The following PIP4K2A variants were observed in gnomAD, a reference collection of about 807,000 sequenced individuals.
PIP4K2A encodes phosphatidylinositol-5-phosphate 4-kinase type 2 alpha.
In PIP4K2A, 14 loss-of-function variants were observed where a neutral mutation model predicts 42.9. The observed-to-expected ratio is 0.33, with a 90% confidence interval of 0.22 to 0.51. The LOEUF (loss-of-function observed/expected upper bound fraction) is 0.51. Among genes scored for constraint, PIP4K2A ranks in the 20% least tolerant of loss-of-function variants. The probability of loss-of-function intolerance (pLI) is 0.97; values close to 1 mark genes in which losing one functional copy is unlikely to be tolerated. For synonymous variants in PIP4K2A, 192 were observed against 192.2 expected, an observed-to-expected ratio of 1.00 and a Z score of 0.01; for missense variants, 434 against 519.8, an observed-to-expected ratio of 0.83 and a Z score of 1.61.
At chr10:22,612,869 A>G (rs1838087285) in intron 1 of PIP4K2A, among the ~76,000 whole-genome samples, 1 of 152,172 alleles carries the variant, frequency 6.6e-6, no homozygotes, top group African/African-American at 2.4e-5. Flanking sequence ...TCCCAGGGGC[A>G]GCAGGGGCAA....
intron 1 of PIP4K2A, among the ~76,000 whole-genome samples, chr10:22,672,602 G>C (rs933440736): frequency 9.2e-5 from 14 of 152,156 alleles, no homozygotes; most frequent in Admixed American, 1.3e-4. Flanking sequence ...CTGGTGAAGG[G>C]TCAGAGAAAA....
intron 1 of PIP4K2A, among the ~76,000 whole-genome samples, chr10:22,637,870 C>T (rs1201472838): frequency 6.6e-6 from 1 of 152,172 alleles, no homozygotes; most frequent in South Asian, 2.1e-4. Context: ...AGGATCTCAG[C>T]AAGTATACTC....
chr10:22,615,724 A>T (rs1043369942), intron 1 of PIP4K2A, among the ~76,000 whole-genome samples: 20 of 152,236 alleles, frequency 1.3e-4, no homozygotes, highest in Non-Finnish European at 2.9e-4. Context: ...AATATTCAAT[A>T]AAATTCTCAC....
At position 22,675,750 on chromosome 10, in the gene PIP4K2A, C is replaced by T. The variant is rs566603895; in HGVS notation, c.144+38433G>A. On this transcript the variant is annotated intron_variant, in intron 1 of 9. Coordinates refer to ENST00000376573, the MANE Select transcript of PIP4K2A (RefSeq NM_005028.5). ...TCTCCTGACACAGTCCATGAATGAG[C>T]CCTCACATCCACTCTACATAATGCT... 6.6e-5 allele frequency among the ~76,000 whole-genome samples: 10 copies of T among 152,270 alleles called. No individual in the cohort carries two copies. The South Asian group carries it at 1.7e-3, about 25-fold the overall frequency.
chr10:22,643,627 T>G (rs1838824328), intron 1 of PIP4K2A, among the ~76,000 whole-genome samples: 1 of 152,094 alleles, frequency 6.6e-6, no homozygotes, highest in Non-Finnish European at 1.5e-5. Flanking sequence ...GAGTCATAAT[T>G]TCTCATCAGC....
At chr10:22,566,657 A>G (rs914628542) in intron 6 of PIP4K2A, among the ~76,000 whole-genome samples, 1 of 151,512 alleles carries the variant, frequency 6.6e-6, no homozygotes, top group Non-Finnish European at 1.5e-5. Context: ...CTCTCCCTGC[A>G]GCAAATGCAC....
intron 9 of PIP4K2A, among the ~76,000 whole-genome samples, chr10:22,538,892 A>C (rs1282891289): frequency 6.6e-6 from 1 of 152,228 alleles, no homozygotes; most frequent in Non-Finnish European, 1.5e-5. Flanking sequence ...CAAATAGAAT[A>C]CTGTGTTTGT....
At chr10:22,663,237 G>A (rs1212406309) in intron 1 of PIP4K2A, among the ~76,000 whole-genome samples, 1 of 152,186 alleles carries the variant, frequency 6.6e-6, no homozygotes, top group Non-Finnish European at 1.5e-5. Flanking sequence ...TGTTGTGACT[G>A]TAACATAGGA....
intron 1 of PIP4K2A, among the ~76,000 whole-genome samples, chr10:22,686,293 A>G (rs1839763248): frequency 6.6e-6 from 1 of 152,192 alleles, no homozygotes; most frequent in African/African-American, 2.4e-5. Flanking sequence ...GATTCCACAA[A>G]TTACGTCTTA....
At chr10:22,573,173 G>T in intron 5 of PIP4K2A, 138 bp downstream of exon 5, 1 of 716,736 alleles carries the variant, frequency 1.4e-6, no homozygotes. Flanking sequence ...TGCCTCACAG[G>T]AAGGAATACA....
chr10:22,558,985 C>T (rs778156425), intron 6 of PIP4K2A, among the ~76,000 whole-genome samples: 9 of 152,090 alleles, frequency 5.9e-5, no homozygotes, highest in South Asian at 2.1e-4. Flanking sequence ...TCAAAGGTGA[C>T]GGTTTGGTCT....
chr10:22,677,630 G>A (rs1267263959), intron 1 of PIP4K2A, among the ~76,000 whole-genome samples: 1 of 152,120 alleles, frequency 6.6e-6, no homozygotes, highest in African/African-American at 2.4e-5. Flanking sequence ...CTCTACTTTT[G>A]AAATGTTTTA....
intron 1 of PIP4K2A, among the ~76,000 whole-genome samples, chr10:22,632,979 C>T (rs996240780): frequency 6.6e-6 from 1 of 152,154 alleles, no homozygotes; most frequent in South Asian, 2.1e-4. Flanking sequence ...CAATACATCA[C>T]TAAGGCTAAC....
chr10:22,569,249 C>G (rs1459506889), intron 5 of PIP4K2A, among the ~76,000 whole-genome samples: 2 of 152,194 alleles, frequency 1.3e-5, no homozygotes, highest in Non-Finnish European at 2.9e-5. Flanking sequence ...CTCAGTGCCC[C>G]CAGGACTGGA....
chr10:22,623,882 T>C (rs1212406177), intron 1 of PIP4K2A, among the ~76,000 whole-genome samples: 2 of 152,176 alleles, frequency 1.3e-5, no homozygotes, highest in Non-Finnish European at 2.9e-5. Context: ...ATCAGTCACA[T>C]GATGAGGTCA....
rs567701965 is a variant in PIP4K2A at position 22,536,354 on chromosome 10, A to G, written c.*847T>C. ...CTATATTGCAACGTAAGGGTGAACA[A>G]TGAAGGCTCCAGGCAAGAAAAGAGA... On this transcript the variant is annotated 3_prime_UTR_variant, in exon 10 of 10. Coordinates refer to ENST00000376573, the MANE Select transcript of PIP4K2A (RefSeq NM_005028.5). 1.3e-5 allele frequency: 4 copies of G among 308,210 alleles called. No homozygotes were observed. Among genetic ancestry groups the G allele is most frequent in the South Asian group, 5.2e-4 (2 of 3,864 alleles). 19.1% of individuals were successfully genotyped at this position (308,210 alleles called of 1,614,324 possible). A position where few individuals can be genotyped will look rare whatever the true frequency, so the allele number is the denominator to read the frequency against.
At chr10:22,631,372 T>A (rs1220541600) in intron 1 of PIP4K2A, among the ~76,000 whole-genome samples, 2 of 152,024 alleles carry the variant, frequency 1.3e-5, no homozygotes, top group African/African-American at 4.8e-5. Context: ...TCCTTTTAAG[T>A]ACAGACACCA....
intron 7 of PIP4K2A, among the ~76,000 whole-genome samples, chr10:22,543,919 T>C (rs1836192973): frequency 6.6e-6 from 1 of 152,156 alleles, no homozygotes; most frequent in South Asian, 2.1e-4. Context: ...GGGCAGGCTC[T>C]CCGTGTGAGA....
intron 1 of PIP4K2A, among the ~76,000 whole-genome samples, chr10:22,689,667 T>G (rs1459668959): frequency 6.6e-6 from 1 of 152,152 alleles, no homozygotes; most frequent in Non-Finnish European, 1.5e-5. Context: ...TCACAGATAC[T>G]GAGGGATGAC....
Sources: allele counts gnomAD v4.1 joint callset (sites outside exome capture counted in the v4.1 genomes callset), GRCh38; gene constraint gnomAD v4.1.1; transcripts MANE v1.5; gene names NCBI Gene and HGNC (gene_info 2026-07-23, HGNC 2026-07-21).